The following ZNF532 variants were observed in gnomAD, a reference collection of about 807,000 sequenced individuals.
ZNF532 encodes the protein zinc finger protein 532.
ZNF532 carries 22 observed loss-of-function variants against 89.3 expected under a neutral mutation model. That is an observed-to-expected ratio of 0.25 (90% CI 0.18 to 0.35). ZNF532 has a LOEUF of 0.35. Among genes scored for constraint, ZNF532 ranks in the 10% least tolerant of loss-of-function variants. The probability of loss-of-function intolerance (pLI) is 1.00; values close to 1 mark genes in which losing one functional copy is unlikely to be tolerated. For synonymous variants in ZNF532, 606 were observed against 649.6 expected, an observed-to-expected ratio of 0.93 and a Z score of 1.02; for missense variants, 1,132 against 1,643.4, an observed-to-expected ratio of 0.69 and a Z score of 5.38.
intron 7 of ZNF532, among the ~76,000 whole-genome samples, chr18:58,973,078 G>C (rs377446298): frequency 6.6e-6 from 1 of 152,150 alleles, no homozygotes; most frequent in Non-Finnish European, 1.5e-5. Context: ...CTGTAAGTTG[G>C]TGTTTTACCT....
intron 2 of ZNF532, among the ~76,000 whole-genome samples, chr18:58,891,303 G>A (rs2058885525): frequency 6.6e-6 from 1 of 152,144 alleles, no homozygotes; most frequent in African/African-American, 2.4e-5. Context: ...GCTGAGGTGG[G>A]TAGATCACTT....
intron 3 of ZNF532, among the ~76,000 whole-genome samples, chr18:58,933,175 A>G (rs1197244889): frequency 6.6e-6 from 1 of 152,112 alleles, no homozygotes; most frequent in Non-Finnish European, 1.5e-5. Flanking sequence ...GTTATGAGAA[A>G]AGGGGTGCTA....
intron 7 of ZNF532, among the ~76,000 whole-genome samples, chr18:58,971,189 C>T (rs968859722): frequency 6.6e-6 from 1 of 152,058 alleles, no homozygotes; most frequent in African/African-American, 2.4e-5. Flanking sequence ...GTTGGTTTAA[C>T]CCTCTTTATT....
At chr18:58,945,815 C>T (rs1360334208) in intron 5 of ZNF532, among the ~76,000 whole-genome samples, 3 of 151,936 alleles carry the variant, frequency 2.0e-5, no homozygotes, top group African/African-American at 7.3e-5. Context: ...GTAACCTCTG[C>T]CTCCTGGGTT....
At chr18:58,964,769 A>AT (rs1037954602) in intron 7 of ZNF532, among the ~76,000 whole-genome samples, 1 of 151,048 alleles carries the variant, frequency 6.6e-6, no homozygotes, top group Non-Finnish European at 1.5e-5. Context: ...ATTGATTTTC[A>AT]TTTTTTTGTA....
chr18:58,876,084 C>T lies in ZNF532; in HGVS notation c.-18+10505C>T, dbSNP rs147989140. 7.2e-4 allele frequency among the ~76,000 whole-genome samples: 109 copies of T among 152,208 alleles called. 3 individuals are homozygous for T. In the East Asian group the frequency reaches 0.02, roughly 28 times the overall value. ...AGTAGCTGGGACTACAGGCCCCCGC[C>T]ACCATGCCCGGCTATTTTTTTTGTA... On this transcript the variant is annotated intron_variant, in intron 2 of 9. Coordinates refer to ENST00000591808, the MANE Select transcript of ZNF532 (RefSeq NM_001375912.1).
intron 3 of ZNF532, 119 bp downstream of exon 3, chr18:58,920,752 G>C: frequency 1.9e-6 from 1 of 516,378 alleles, no homozygotes; most frequent in Non-Finnish European, 3.3e-6. Flanking sequence ...GTGTGTGTGT[G>C]TGTGTGTGTG....
intron 2 of ZNF532, among the ~76,000 whole-genome samples, chr18:58,913,137 T>C (rs2060384393): frequency 6.6e-6 from 1 of 152,142 alleles, no homozygotes; most frequent in Non-Finnish European, 1.5e-5. Flanking sequence ...AGGTTTTTTT[T>C]CTTTTCTTTG....
At chr18:58,936,005 A>G (rs1418586024) in intron 4 of ZNF532, among the ~76,000 whole-genome samples, 2 of 152,198 alleles carry the variant, frequency 1.3e-5, no homozygotes, top group African/African-American at 2.4e-5. Context: ...TTAACTTCAC[A>G]TTTTATCTCA....
At chr18:58,910,662 A>G (rs11874531) in intron 2 of ZNF532, among the ~76,000 whole-genome samples, 4,178 of 151,756 alleles carry the variant, frequency 0.028, 213 homozygotes, top group African/African-American at 0.095. Context: ...AGAGAGAGAG[A>G]GGGGGTTTCA....
intron 2 of ZNF532, among the ~76,000 whole-genome samples, chr18:58,880,574 G>T (rs993460384): frequency 2.6e-5 from 4 of 152,160 alleles, no homozygotes; most frequent in Admixed American, 6.5e-5. Flanking sequence ...TGCAAAAACA[G>T]TATGTCTAGC....
At position 58,984,232 on chromosome 18, in the gene ZNF532, C is replaced by T. The variant is rs767553065; in HGVS notation, c.3672C>T (p.Ile1224=). The T allele has an allele frequency of 9.9e-6, 16 of 1,611,844 alleles. No individual in the cohort carries two copies. Among genetic ancestry groups the T allele is most frequent in the Non-Finnish European group, 1.1e-5 (13 of 1,179,838 alleles). ...TCTCTCTGTCCAGGCACCTCTTCAT[C>T]GTACACAAGTTAAAGGAACCTCAGC... ...SHVSLSRHLF[I]VHKLKEPQPV... The change falls in exon 10 of 10, where the codon ATC becomes ATT. Residue 1224 remains isoleucine (I), a synonymous_variant. Coordinates refer to ENST00000591808, the MANE Select transcript of ZNF532 (RefSeq NM_001375912.1).
At chr18:58,898,294 T>C (rs2059376325) in intron 2 of ZNF532, among the ~76,000 whole-genome samples, 2 of 152,164 alleles carry the variant, frequency 1.3e-5, no homozygotes, top group Non-Finnish European at 1.5e-5. Flanking sequence ...CTCTGTCTTA[T>C]AGAATAGGAA....
At chr18:58,948,355 G>A (rs1603272254) in intron 6 of ZNF532, 126 bp downstream of exon 6, 50 of 951,826 alleles carry the variant, frequency 5.3e-5, no homozygotes, top group South Asian at 3.8e-4. Flanking sequence ...GATGCTGGTC[G>A]TTGTCAGTGA....
chr18:58,905,711 A>G lies in ZNF532; in HGVS notation c.-17-12560A>G, dbSNP rs149331836. On this transcript the variant is annotated intron_variant, in intron 2 of 9. Transcript: ENST00000591808. ...TTCTCTTTAACTATTCACTATTTCTATCTTACTTTAAAAGCAACCAACCAC... is the reference window on the plus strand; with the variant it reads ...TTCTCTTTAACTATTCACTATTTCTGTCTTACTTTAAAAGCAACCAACCAC... 4.1e-3 allele frequency among the ~76,000 whole-genome samples: 621 copies of G among 152,162 alleles called. 2 individuals are homozygous for G. Among genetic ancestry groups the G allele is most frequent in the Middle Eastern group, 0.01 (3 of 294 alleles).
chr18:58,981,690 C>A (rs1490246657), intron 9 of ZNF532, 73 bp downstream of exon 9: 40 of 1,576,846 alleles, frequency 2.5e-5, no homozygotes, highest in Non-Finnish European at 3.5e-5. Flanking sequence ...TTTTTCCTTT[C>A]AAGTTTTTGT....
intron 7 of ZNF532, among the ~76,000 whole-genome samples, chr18:58,974,911 G>A (rs192504936): frequency 7.8e-4 from 119 of 152,228 alleles, no homozygotes; most frequent in Admixed American, 5.1e-3. Flanking sequence ...ATTTTCATTC[G>A]ATGTGTCACT....
chr18:58,973,175 T>C (rs759827491), intron 7 of ZNF532, among the ~76,000 whole-genome samples: 3 of 152,250 alleles, frequency 2.0e-5, no homozygotes, highest in Admixed American at 6.5e-5. Flanking sequence ...CTATCTCTGC[T>C]CACTGCAACT....
In ZNF532 at chr18:58,963,645, GTA is replaced by G. The variant is rs1555755414; in HGVS notation, c.3150+9848_3150+9849del. Among the ~76,000 whole-genome samples, 9 of 126,192 alleles carry G rather than the reference GTA, an allele frequency of 7.1e-5. No homozygotes were observed. In the East Asian group the frequency reaches 9.6e-4, roughly 13 times the overall value. 82.8% of individuals were successfully genotyped at this position (126,192 alleles called of 152,430 possible). A position where few individuals can be genotyped will look rare whatever the true frequency, so the allele number is the denominator to read the frequency against. ...TGTGTGTGTGTGTGTGTGTGTGTGT[GTA>G]TGTATATAAATTTTTAAAGTGCCCA... On this transcript the variant is annotated intron_variant, in intron 7 of 9. Transcript: ENST00000591808.
Sources: gnomAD v4.1 joint callset for allele counts (sites outside exome capture counted in the v4.1 genomes callset) on GRCh38, gnomAD v4.1.1 for gene constraint, MANE v1.5 for transcripts, NCBI Gene and HGNC (gene_info 2026-07-23, HGNC 2026-07-21) for gene names.